TMEM117: variants seen among roughly 807,000 people sequenced by gnomAD.
The protein encoded by TMEM117 is transmembrane protein 117.
TMEM117 carries 27 observed loss-of-function variants against 52.4 expected under a neutral mutation model. The ratio of observed to expected loss-of-function variants is 0.51; its 90% CI spans 0.38 to 0.71. The LOEUF (loss-of-function observed/expected upper bound fraction) is 0.71, where lower values mean the gene tolerates loss of function less well. TMEM117 is among the 30% of genes least tolerant of loss of function. TMEM117 has a pLI of 0.00. For missense variants in TMEM117, 556 were observed against 630.5 expected (o/e 0.88, Z 1.26); for synonymous variants, 215 against 206.3 (o/e 1.04, Z -0.36).
intron 3 of TMEM117, among the ~76,000 whole-genome samples, chr12:44,036,000 G>A (rs367807670): frequency 6.6e-6 from 1 of 152,166 alleles, no homozygotes. Context: ...CCCACTAAGT[G>A]TTTTCTAGCT....
chr12:43,813,079 T>G, the TMEM117 span, among the ~76,000 whole-genome samples: 7 of 151,718 alleles, frequency 4.6e-5, no homozygotes, highest in African/African-American at 1.7e-4. Flanking sequence ...AGATTTTCCC[T>G]TCAGGCTCCC....
chr12:44,064,940 TTTTA>T (rs1947199793), intron 3 of TMEM117, among the ~76,000 whole-genome samples: 1 of 152,184 alleles, frequency 6.6e-6, no homozygotes, highest in Non-Finnish European at 1.5e-5. Flanking sequence ...TGATGATAGG[TTTTA>T]TTTGCTTGAC....
At chr12:43,870,820 T>C (rs1592322069) in intron 2 of TMEM117, among the ~76,000 whole-genome samples, 1 of 151,996 alleles carries the variant, frequency 6.6e-6, no homozygotes, top group East Asian at 1.9e-4. Context: ...GTATCGCTGT[T>C]GTTGCCAGGG....
intron 4 of TMEM117, among the ~76,000 whole-genome samples, chr12:44,199,200 G>A (rs1949459924): frequency 3.3e-5 from 5 of 152,032 alleles, no homozygotes; most frequent in Admixed American, 3.3e-4. Context: ...TGTTGGCTTT[G>A]GCTATTGGTA....
intron 6 of TMEM117, among the ~76,000 whole-genome samples, chr12:44,361,583 A>G (rs1243261568): frequency 6.6e-6 from 1 of 152,198 alleles, no homozygotes; most frequent in Admixed American, 6.5e-5. Flanking sequence ...TGAATAATCA[A>G]ACAACCAAAT....
intron 3 of TMEM117, among the ~76,000 whole-genome samples, chr12:44,050,436 C>G (rs887511364): frequency 6.6e-6 from 1 of 152,170 alleles, no homozygotes; most frequent in Non-Finnish European, 1.5e-5. Context: ...CTCAGCCTCC[C>G]AAAGTGCTGG....
intron 3 of TMEM117, among the ~76,000 whole-genome samples, chr12:44,071,549 TAAAG>T (rs930593150): frequency 3.9e-5 from 6 of 152,300 alleles, no homozygotes; most frequent in South Asian, 2.1e-4. Context: ...ATTTTACAGA[TAAAG>T]AAACTGAAAT....
At chr12:44,202,022 A>G (rs1053433986) in intron 4 of TMEM117, among the ~76,000 whole-genome samples, 2 of 152,066 alleles carry the variant, frequency 1.3e-5, no homozygotes, top group African/African-American at 2.4e-5. Context: ...TATCAAGATG[A>G]TATCTTTTAT....
chr12:43,900,751 A>G (rs1944290927), intron 2 of TMEM117, among the ~76,000 whole-genome samples: 1 of 152,072 alleles, frequency 6.6e-6, no homozygotes, highest in South Asian at 2.1e-4. Flanking sequence ...ATTCTCTTCA[A>G]TTCTTTCTTT....
rs140305128 is a variant in TMEM117, at chr12:43,862,255, G to A, written c.277+17327G>A. On this transcript the variant is annotated intron_variant, in intron 2 of 7. Transcript: ENST00000266534. Reference sequence around the variant, plus strand: ...GTGCTCTCGGCTCACTGCAAGCTCTGCCTCCAGGATTCACACCATTCTCCT... The same window carrying A: ...GTGCTCTCGGCTCACTGCAAGCTCTACCTCCAGGATTCACACCATTCTCCT... Among the ~76,000 whole-genome samples the A allele has an allele frequency of 8.1e-3, 1,227 of 152,218 alleles. 16 individuals are homozygous for A. Among genetic ancestry groups the A allele is most frequent in the African/African-American group, 0.027 (1,118 of 41,522 alleles).
chr12:44,265,416 T>G (rs1460180738), intron 5 of TMEM117, among the ~76,000 whole-genome samples: 1 of 152,162 alleles, frequency 6.6e-6, no homozygotes, highest in African/African-American at 2.4e-5. Context: ...AGGTCATTTT[T>G]GGCTGCTCTG....
intron 6 of TMEM117, among the ~76,000 whole-genome samples, chr12:44,336,653 G>A (rs1306918221): frequency 2.6e-5 from 4 of 151,800 alleles, no homozygotes; most frequent in Admixed American, 6.6e-5. Flanking sequence ...AATCCATTAG[G>A]CATTGGAAAA....
intron 2 of TMEM117, among the ~76,000 whole-genome samples, chr12:43,847,017 T>A (rs967370789): frequency 6.6e-6 from 1 of 152,168 alleles, no homozygotes; most frequent in Non-Finnish European, 1.5e-5. Context: ...TTTCTAGACA[T>A]TTGGTGAGAA....
rs11301034 is a variant in TMEM117, at chr12:44,362,833, C to CT, written c.769-13750dup. ...TCTTTTTCTTTTTTTCTTTCCTTTTCTTTTTTTTTTTTATTTTTTTGGTTG... is the reference window on the plus strand; with the variant it reads ...TCTTTTTCTTTTTTTCTTTCCTTTTCTTTTTTTTTTTTTATTTTTTTGGTTG... On this transcript the variant is annotated intron_variant, in intron 6 of 7. Transcript: ENST00000266534. 2.6e-3 allele frequency among the ~76,000 whole-genome samples: 378 copies of CT among 146,440 alleles called. 1 individual carries two copies. The highest frequency in any genetic ancestry group is 5.1e-3 in the African/African-American group (204 of 40,002).
chr12:44,228,984 GA>G (rs1949899859), intron 5 of TMEM117, among the ~76,000 whole-genome samples: 1 of 152,138 alleles, frequency 6.6e-6, no homozygotes. Flanking sequence ...ATCTGGGCAA[GA>G]CAGGGATGTT....
intron 3 of TMEM117, among the ~76,000 whole-genome samples, chr12:44,114,182 C>G (rs529937403): frequency 3.2e-4 from 49 of 152,016 alleles, no homozygotes; most frequent in Non-Finnish European, 6.5e-4. Flanking sequence ...GTCGCTCACG[C>G]TGGGAGCTGT....
intron 6 of TMEM117, among the ~76,000 whole-genome samples, chr12:44,367,029 C>T (rs1951798767): frequency 6.6e-6 from 1 of 152,138 alleles, no homozygotes; most frequent in Non-Finnish European, 1.5e-5. Context: ...AACATTTGCC[C>T]TTGCAAAAAC....
intron 6 of TMEM117, among the ~76,000 whole-genome samples, chr12:44,369,215 T>C (rs1043360533): frequency 2.0e-5 from 3 of 152,206 alleles, no homozygotes; most frequent in Non-Finnish European, 2.9e-5. Flanking sequence ...CTTCATCACA[T>C]CAGTCTGCCA....
chr12:44,271,336 A>G (rs1373025191), intron 5 of TMEM117, among the ~76,000 whole-genome samples: 2 of 151,992 alleles, frequency 1.3e-5, no homozygotes, highest in Non-Finnish European at 2.9e-5. Context: ...CATTTCATAG[A>G]TTAAGAAATT....
Sources: allele counts gnomAD v4.1 joint callset (sites outside exome capture counted in the v4.1 genomes callset), GRCh38; gene constraint gnomAD v4.1.1; transcripts MANE v1.5; gene names NCBI Gene and HGNC (gene_info 2026-07-23, HGNC 2026-07-21).